Variants in KLC1 observed in about 807,000 individuals in gnomAD.
KLC1 encodes the protein kinesin light chain 1.
KLC1 carries 30 observed loss-of-function variants against 84.2 expected under a neutral mutation model. The ratio of observed to expected loss-of-function variants is 0.36; its 90% confidence interval spans 0.27 to 0.48. The LOEUF is 0.48. Among genes scored for constraint, KLC1 ranks in the 20% least tolerant of loss-of-function variants. KLC1 has a pLI of 0.99. For synonymous variants in KLC1, 289 were observed against 293.3 expected (o/e 0.99, Z 0.15); for missense variants, 499 against 805.4 (o/e 0.62, Z 4.60).
Position 103,662,694 on chromosome 14 carries a change from C to T in KLC1, c.572-8C>T, listed in dbSNP as rs545323244. The T allele has an allele frequency of 1.8e-4, 276 of 1,545,106 alleles. 1 individual carries two copies. The South Asian group carries it at 1.9e-3, about 10-fold the overall frequency. On this transcript the variant is annotated splice_polypyrimidine_tract_variant and splice_region_variant and intron_variant, in intron 4 of 16. Transcript: ENST00000334553. ...AAAACCCATCTGAAGTGAACTTTCTCGGTGCAGTCCAGCAGCAGCACAGCA... is the reference window on the plus strand; with the variant it reads ...AAAACCCATCTGAAGTGAACTTTCTTGGTGCAGTCCAGCAGCAGCACAGCA...
At chr14:103,665,382 C>CT (rs1456429151) in intron 5 of KLC1, among the ~76,000 whole-genome samples, 1 of 151,716 alleles carries the variant, frequency 6.6e-6, no homozygotes, top group East Asian at 2.0e-4. Flanking sequence ...GATTTCTTTT[C>CT]TTTCTTTCTG....
chr14:103,649,465 A>G (rs2078214681), intron 1 of KLC1, among the ~76,000 whole-genome samples: 1 of 150,592 alleles, frequency 6.6e-6, no homozygotes. Flanking sequence ...GTGATAGCTC[A>G]TACCCATATC....
At chr14:103,653,216 T>A (rs1411953983) in intron 1 of KLC1, among the ~76,000 whole-genome samples, 1 of 152,248 alleles carries the variant, frequency 6.6e-6, no homozygotes, top group Non-Finnish European at 1.5e-5. Context: ...CCATCATAGC[T>A]GACTGTCACC....
At chr14:103,697,061 C>T (rs1025987317) in intron 15 of KLC1, 32 of 985,332 alleles carry the variant, frequency 3.2e-5, no homozygotes, top group Middle Eastern at 5.2e-4. Flanking sequence ...TAAGCTGTCT[C>T]ATTTTCTAAT....
Position 103,701,293 on chromosome 14 carries a change from C to A in KLC1, c.*94C>A. 4 of 1,370,412 alleles carry A rather than the reference C, an allele frequency of 2.9e-6. No homozygotes were observed. Among genetic ancestry groups the A allele is most frequent in the Non-Finnish European group, 4.0e-6 (4 of 992,630 alleles). 84.9% of individuals were successfully genotyped at this position (1,370,412 alleles called of 1,614,324 possible). A position where few individuals can be genotyped will look rare whatever the true frequency, so the allele number is the denominator to read the frequency against. On this transcript the variant is annotated 3_prime_UTR_variant, in exon 17 of 17. Coordinates refer to ENST00000334553, the MANE Select transcript of KLC1 (RefSeq NM_001394837.1). Reference sequence around the variant, plus strand: ...CAGGGCGGCAGGGAGGGCCCCTGGCCGGGAGCCGCAGCGCTCACTCATTTC... The same window carrying A: ...CAGGGCGGCAGGGAGGGCCCCTGGCAGGGAGCCGCAGCGCTCACTCATTTC...
At chr14:103,676,393 C>T (rs934016354) in intron 11 of KLC1, among the ~76,000 whole-genome samples, 13 of 152,168 alleles carry the variant, frequency 8.5e-5, no homozygotes, top group African/African-American at 2.7e-4. Flanking sequence ...CTCAGCCTCC[C>T]GAATAGCTGA....
intron 11 of KLC1, among the ~76,000 whole-genome samples, chr14:103,676,859 ATAAG>A (rs949335665): frequency 1.4e-4 from 22 of 152,202 alleles, no homozygotes; most frequent in African/African-American, 3.4e-4. Context: ...AGTTTGAAAA[ATAAG>A]AAAGAAAGAA....
intron 7 of KLC1, among the ~76,000 whole-genome samples, chr14:103,670,636 GT>G (rs2080299383): frequency 6.6e-6 from 1 of 151,674 alleles, no homozygotes; most frequent in South Asian, 2.1e-4. Flanking sequence ...GCCCGGCGCT[GT>G]TTTTTGTGTT....
rs549279349 is a variant in KLC1, at chr14:103,657,839, G to A, written c.492+63G>A. On this transcript the variant is annotated intron_variant, in intron 3 of 16. Transcript: ENST00000334553. ...AAATGGAGTCACTGGGAAAGTCATA[G>A]AGGTTCTGTTTGCCATATTCTTTTC... is the stretch of plus-strand genomic sequence containing the variant. 1,836 of 1,213,652 alleles carry A rather than the reference G, an allele frequency of 1.5e-3. 7 individuals are homozygous for A. The highest frequency in any genetic ancestry group is 9.4e-3 in the Middle Eastern group (50 of 5,318). 75.2% of individuals were successfully genotyped at this position (1,213,652 alleles called of 1,614,324 possible).
chr14:103,665,305 C>T (rs2079665046), intron 5 of KLC1, among the ~76,000 whole-genome samples: 1 of 152,088 alleles, frequency 6.6e-6, no homozygotes, highest in East Asian at 1.9e-4. Flanking sequence ...TCCACCTTGA[C>T]GTCCCAAAGT....
At chr14:103,672,873 G>A in intron 7 of KLC1, 141 bp from the exon 8 acceptor site, 2 of 705,958 alleles carry the variant, frequency 2.8e-6, no homozygotes, top group South Asian at 1.8e-5. Flanking sequence ...ACGTGGTGTA[G>A]CGAGCCAGTT....
Position 103,639,354 on chromosome 14 carries a change from C to T in KLC1, c.-2+9860C>T, listed in dbSNP as rs1222709573. On this transcript the variant is annotated intron_variant, in intron 1 of 16. Transcript: ENST00000334553. ...CCATGTTGGCCAGGCTGGTCTTGAA[C>T]TCCTGACCTCAAGTGATCCGCCTGC... 2.0e-5 allele frequency among the ~76,000 whole-genome samples: 3 copies of T among 152,122 alleles called. No homozygotes were observed. The East Asian group carries it at 5.8e-4, about 29-fold the overall frequency.
intron 1 of KLC1, among the ~76,000 whole-genome samples, chr14:103,631,340 A>G (rs2076671724): frequency 6.6e-6 from 1 of 152,156 alleles, no homozygotes; most frequent in Admixed American, 6.5e-5. Flanking sequence ...TCGGCCTCCC[A>G]AAGTGCTGGG....
chr14:103,641,247 C>A (rs960001870), intron 1 of KLC1, among the ~76,000 whole-genome samples: 1 of 152,150 alleles, frequency 6.6e-6, no homozygotes, highest in African/African-American at 2.4e-5. Flanking sequence ...TAACTGAACT[C>A]CACTTTATTT....
Position 103,701,226 on chromosome 14 carries a change from G to A in KLC1, c.*27G>A. 6.4e-7 allele frequency: 1 copy of A among 1,550,392 alleles called. No homozygotes were observed. Among genetic ancestry groups the A allele is most frequent in the Non-Finnish European group, 8.7e-7 (1 of 1,146,304 alleles). On this transcript the variant is annotated 3_prime_UTR_variant, in exon 17 of 17. Transcript: ENST00000334553. The stretch of plus-strand genomic sequence containing the variant: ...TGACCCCGACCTGGCCCCGCTCCAG[G>A]ATGGGACTGCCGAGTGTGGCCCGGA...
At chr14:103,670,848 C>T (rs1210177231) in intron 7 of KLC1, among the ~76,000 whole-genome samples, 1 of 151,462 alleles carries the variant, frequency 6.6e-6, no homozygotes, top group Non-Finnish European at 1.5e-5. Context: ...TTTGGGAGGC[C>T]AAGGTGGGAG....
intron 9 of KLC1, among the ~76,000 whole-genome samples, chr14:103,674,568 C>T (rs191823514): frequency 3.3e-5 from 5 of 152,098 alleles, no homozygotes; most frequent in African/African-American, 1.2e-4. Context: ...GCACACACCA[C>T]CACGCCCGGC....
chr14:103,688,886 C>T (rs771414287), intron 14 of KLC1, among the ~76,000 whole-genome samples: 8 of 152,136 alleles, frequency 5.3e-5, no homozygotes, highest in Non-Finnish European at 1.0e-4. Flanking sequence ...AACAAATGAA[C>T]TCTTATTTGG....
At chr14:103,641,585 TA>T (rs911571549) in intron 1 of KLC1, among the ~76,000 whole-genome samples, 1 of 151,990 alleles carries the variant, frequency 6.6e-6, no homozygotes, top group African/African-American at 2.4e-5. Flanking sequence ...GTTCCCTTTT[TA>T]AAAAAAATTT....
Sources: gnomAD v4.1 joint callset for allele counts (sites outside exome capture counted in the v4.1 genomes callset) on GRCh38, gnomAD v4.1.1 for gene constraint, MANE v1.5 for transcripts, NCBI Gene and HGNC (gene_info 2026-07-23, HGNC 2026-07-21) for gene names.